Variants in STK33 observed in about 807,000 individuals in gnomAD.
STK33 encodes the protein serine/threonine kinase 33.
In STK33, 52 loss-of-function variants were observed where a neutral mutation model predicts 58.0. The ratio of observed to expected loss-of-function variants is 0.90; its 90% CI spans 0.72 to 1.13. The LOEUF is 1.13. Among genes scored for constraint, STK33 ranks in the 50% most tolerant of loss-of-function variants. STK33 has a pLI of 0.00. For missense variants in STK33, 630 were observed against 604.2 expected (o/e 1.04, Z -0.45); for synonymous variants, 215 against 200.1 (o/e 1.07, Z -0.63).
intron 1 of STK33, among the ~76,000 whole-genome samples, chr11:8,489,543 G>A (rs899680978): frequency 6.6e-6 from 1 of 152,116 alleles, no homozygotes; most frequent in Non-Finnish European, 1.5e-5. Flanking sequence ...AAGCATGCAA[G>A]AGAGAGTGAG....
intron 14 of STK33, among the ~76,000 whole-genome samples, chr11:8,419,246 C>A (rs192605657): frequency 1.3e-5 from 2 of 152,130 alleles, no homozygotes; most frequent in East Asian, 3.9e-4. Context: ...TCCATCTTGA[C>A]CTCATTTTTG....
At chr11:8,457,510 G>A in intron 8 of STK33, 31 bp from the exon 9 acceptor site, 2 of 1,518,152 alleles carry the variant, frequency 1.3e-6, no homozygotes, top group East Asian at 2.3e-5. Flanking sequence ...GAGAGAGAGA[G>A]CAAATTATAT....
intron 14 of STK33, among the ~76,000 whole-genome samples, chr11:8,424,766 T>C (rs1441527357): frequency 6.8e-6 from 1 of 146,734 alleles, no homozygotes. Context: ...TTCACGTGTC[T>C]TTTGGCTGCA....
At chr11:8,342,698 T>C in the STK33 span, among the ~76,000 whole-genome samples, 5 of 152,358 alleles carry the variant, frequency 3.3e-5, no homozygotes, top group Middle Eastern at 0.01. Flanking sequence ...GTTTAACTGA[T>C]GAGGAACATA....
At chr11:8,490,063 G>A (rs943920693) in intron 1 of STK33, among the ~76,000 whole-genome samples, 1 of 152,198 alleles carries the variant, frequency 6.6e-6, no homozygotes, top group African/African-American at 2.4e-5. Flanking sequence ...TCATTGGGAT[G>A]GGTTGGACAG....
At chr11:8,553,199 G>GATATATATA (rs1565347544) in intron 1 of STK33, among the ~76,000 whole-genome samples, 18 of 60,968 alleles carry the variant, frequency 3.0e-4, no homozygotes, top group East Asian at 9.8e-4. Flanking sequence ...TATATATATG[G>GATATATATA]TGTATATATA....
chr11:8,429,956 A>T (rs1943220968), intron 14 of STK33, among the ~76,000 whole-genome samples: 1 of 152,160 alleles, frequency 6.6e-6, no homozygotes, highest in Non-Finnish European at 1.5e-5. Context: ...CTCAGAATCT[A>T]GTCACTATCT....
At chr11:8,398,854 T>C (rs1298515418) in intron 15 of STK33, among the ~76,000 whole-genome samples, 6 of 149,762 alleles carry the variant, frequency 4.0e-5, no homozygotes, top group Non-Finnish European at 7.4e-5. Context: ...CCAACAAAGA[T>C]CAAAAGAGAC....
At chr11:8,352,518 C>T in the STK33 span, among the ~76,000 whole-genome samples, 4 of 152,238 alleles carry the variant, frequency 2.6e-5, no homozygotes, top group East Asian at 7.7e-4. Flanking sequence ...ATGGAGAGGG[C>T]AGCAGGGGTG....
At chr11:8,476,438 G>A (rs1402268645) in intron 4 of STK33, among the ~76,000 whole-genome samples, 4 of 152,086 alleles carry the variant, frequency 2.6e-5, no homozygotes, top group South Asian at 2.1e-4. Flanking sequence ...CCAAATAAAC[G>A]TACTCTTCAC....
chr11:8,537,032 GT>G (rs1304180069), intron 1 of STK33, among the ~76,000 whole-genome samples: 2 of 126,604 alleles, frequency 1.6e-5, no homozygotes, highest in African/African-American at 3.1e-5. Context: ...CCAGGCTGGA[GT>G]GCAGTGGCTC....
chr11:8,535,196 G>C (rs1450471144), intron 1 of STK33, among the ~76,000 whole-genome samples: 1 of 152,104 alleles, frequency 6.6e-6, no homozygotes, highest in Non-Finnish European at 1.5e-5. Flanking sequence ...AAGCATTAAT[G>C]GTCCATATAC....
intron 1 of STK33, among the ~76,000 whole-genome samples, chr11:8,518,314 C>T (rs1274010640): frequency 1.3e-5 from 2 of 152,146 alleles, no homozygotes; most frequent in Admixed American, 6.5e-5. Flanking sequence ...CACCACCAGG[C>T]CTGCCTTACA....
the STK33 span, among the ~76,000 whole-genome samples, chr11:8,377,145 C>T: frequency 6.6e-6 from 1 of 152,192 alleles, no homozygotes; most frequent in African/African-American, 2.4e-5. Flanking sequence ...CAAGACACAG[C>T]CAAAGCAAAA....
At chr11:8,442,333 A>G (rs1944859950) in intron 11 of STK33, among the ~76,000 whole-genome samples, 1 of 152,192 alleles carries the variant, frequency 6.6e-6, no homozygotes, top group Non-Finnish European at 1.5e-5. Flanking sequence ...CCACATGTCT[A>G]TGACAAGGGC....
chr11:8,359,170 T>A, the STK33 span, among the ~76,000 whole-genome samples: 1 of 152,162 alleles, frequency 6.6e-6, no homozygotes, highest in Non-Finnish European at 1.5e-5. Context: ...CTGAGTGAGA[T>A]GTGTGACCCC....
intron 2 of STK33, among the ~76,000 whole-genome samples, chr11:8,478,297 TAAAAA>T (rs1949472402): frequency 2.6e-5 from 4 of 152,162 alleles, no homozygotes; most frequent in Admixed American, 1.3e-4. Context: ...ACTTTAGATA[TAAAAA>T]TATGTATTAC....
intron 1 of STK33, among the ~76,000 whole-genome samples, chr11:8,512,227 A>T (rs2139490670): frequency 6.6e-6 from 1 of 152,264 alleles, no homozygotes; most frequent in East Asian, 1.9e-4. Context: ...ACTGACAAAA[A>T]TTTACATAAT....
At chr11:8,426,179 T>C (rs1261302472) in intron 14 of STK33, among the ~76,000 whole-genome samples, 1 of 151,888 alleles carries the variant, frequency 6.6e-6, no homozygotes, top group Non-Finnish European at 1.5e-5. Flanking sequence ...AGCAGATGGA[T>C]GGGGAGCCAG....
Sources: allele counts gnomAD v4.1 joint callset (sites outside exome capture counted in the v4.1 genomes callset), GRCh38; gene constraint gnomAD v4.1.1; transcripts MANE v1.5; gene names NCBI Gene and HGNC (gene_info 2026-07-23, HGNC 2026-07-21).